The following PANX2 variants were observed in gnomAD, a reference collection of about 807,000 sequenced individuals.
PANX2 encodes the protein pannexin 2.
In PANX2, 30 loss-of-function variants were observed where a neutral mutation model predicts 38.7. The ratio of observed to expected loss-of-function variants is 0.78; its 90% confidence interval spans 0.58 to 1.05. PANX2 has a LOEUF of 1.05. Among genes scored for constraint, PANX2 ranks in the 50% least tolerant of loss-of-function variants. PANX2 has a pLI of 0.00. For missense variants in PANX2, 880 were observed against 979.3 expected, an observed-to-expected ratio of 0.90 and a Z score of 1.35; for synonymous variants, 539 against 472.1, an observed-to-expected ratio of 1.14 and a Z score of -1.84.
In PANX2 at chr22:50,178,231, A is replaced by C. The variant is rs1288274862; in HGVS notation, c.1519A>C (p.Lys507Gln). The change falls in exon 2 of 3, where the codon AAG becomes CAG. Residue 507 changes from lysine to glutamine, a missense_variant. Physicochemically the swap from Lys to Gln is moderately conservative, Grantham distance 53. Coordinates refer to ENST00000395842, the MANE Select transcript of PANX2 (RefSeq NM_052839.4). ...PAPAPPPAPD[K>Q]KHARHFSLDV... Reference sequence around the variant, plus strand: ...CCCCGCCCCGCCGCCCGCCCCTGACAAGAAGCACGCGCGCCACTTCTCCCT... The same window carrying C: ...CCCCGCCCCGCCGCCCGCCCCTGACCAGAAGCACGCGCGCCACTTCTCCCT... 5.3e-5 allele frequency: 63 copies of C among 1,199,566 alleles called. No individual in the cohort carries two copies. Among genetic ancestry groups the C allele is most frequent in the Non-Finnish European group, 6.9e-5 (63 of 909,050 alleles). The allele number at this position is 1,199,566 out of a possible 1,614,324, so 74.3% of individuals were successfully genotyped here. A position where few individuals can be genotyped will look rare whatever the true frequency, so the allele number is the denominator to read the frequency against.
Position 50,177,905 on chromosome 22 carries a change from G to T in PANX2, c.1193G>T (p.Arg398Leu). The change falls in exon 2 of 3, where the codon CGC becomes CTC. Residue 398 changes from arginine (R) to leucine (L), a missense_variant. Around this residue, in one of 4 missense-constraint regions of PANX2, gnomAD observed 78 missense variants for 133.1 expected, o/e 0.59. Coordinates refer to ENST00000395842, the MANE Select transcript of PANX2 (RefSeq NM_052839.4). ...AACCACGACGCCACCCCCACGGTGC[G>T]CGACTCGGGGGTGCAGACCGTGGAC... ...QSNHDATPTVRDSGVQTVDPS... is the reference protein window; with the variant it reads ...QSNHDATPTVLDSGVQTVDPS... The T allele has an allele frequency of 6.5e-7, 1 of 1,529,680 alleles. No individual in the cohort carries two copies. The highest frequency in any genetic ancestry group is 8.8e-7 in the Non-Finnish European group (1 of 1,141,656). The allele number at this position is 1,529,680 out of a possible 1,614,324, so 94.8% of individuals were successfully genotyped here. A position where few individuals can be genotyped will look rare whatever the true frequency, so the allele number is the denominator to read the frequency against.
In PANX2 at chr22:50,177,383, C is replaced by T; in HGVS notation, c.671C>T (p.Ala224Val). 2 of 1,609,542 alleles carry T rather than the reference C, an allele frequency of 1.2e-6. No homozygotes were observed. Among genetic ancestry groups the T allele is most frequent in the Non-Finnish European group, 8.5e-7 (1 of 1,178,424 alleles). ...LERRGRSNFLAKLYLARHVLI... is the reference protein window; with the variant it reads ...LERRGRSNFLVKLYLARHVLI... ...CGCCGCGGCCGCAGCAACTTCCTGG[C>T]CAAGCTGTACCTGGCGCGGCACGTG... is the stretch of plus-strand genomic sequence containing the variant. The change falls in exon 2 of 3, where the codon GCC (alanine) becomes GTC (valine). Residue 224 changes from alanine to valine, a missense_variant. By Grantham distance (64) the Ala-to-Val change is moderately conservative. Transcript: ENST00000395842.
Position 50,177,829 on chromosome 22 carries a change from C to G in PANX2, c.1117C>G (p.Leu373Val). 6.3e-7 allele frequency: 1 copy of G among 1,598,618 alleles called. No homozygotes were observed. Among genetic ancestry groups the G allele is most frequent in the Non-Finnish European group, 8.5e-7 (1 of 1,178,866 alleles). The change falls in exon 2 of 3, where the codon CTC becomes GTC. Residue 373 changes from leucine (L) to valine (V), a missense_variant. Physicochemically the swap from Leu to Val is conservative, Grantham distance 32. Transcript: ENST00000395842. ...GGACTTCATCACCAACGAGAGCGAC[C>G]TCATGTACGACAACGTGGTCCGGCA... ...RLDFITNESD[L>V]MYDNVVRQLL...
At chr22:50,172,822 G>A (rs576686517) in intron 1 of PANX2, among the ~76,000 whole-genome samples, 31 of 151,500 alleles carry the variant, frequency 2.0e-4, no homozygotes, top group Middle Eastern at 3.4e-3. Context: ...TTTGCCTCCC[G>A]GGTTCAAGCG....
chr22:50,175,344 G>A (rs2063656157), intron 1 of PANX2: 4 of 547,300 alleles, frequency 7.3e-6, no homozygotes, highest in Non-Finnish European at 1.2e-5. Context: ...CCCCACCCAT[G>A]TTGGCCACAC....
chr22:50,177,153 C>T lies in PANX2; in HGVS notation c.441C>T (p.Ser147=), dbSNP rs555858722. The part of the protein sequence containing the change: ...VPALGWEFLA[S]TRLTSELNFL... ...CGCTGGGCTGGGAGTTCCTGGCCTC[C>T]ACGCGCCTCACCTCCGAGCTCAACT... is the stretch of plus-strand genomic sequence containing the variant. Residue 147 remains serine, a synonymous_variant, in exon 2 of 3, where the codon TCC becomes TCT. Transcript: ENST00000395842. 1 of 1,607,958 alleles carries T rather than the reference C, an allele frequency of 6.2e-7. No homozygotes were observed. Among genetic ancestry groups the T allele is most frequent in the East Asian group, 2.2e-5 (1 of 44,668 alleles).
In PANX2 at chr22:50,178,132, G is replaced by A. The variant is rs756078611; in HGVS notation, c.1420G>A (p.Ala474Thr). 6.5e-6 allele frequency: 10 copies of A among 1,532,906 alleles called. No individual in the cohort carries two copies. In the African/African-American group the frequency reaches 1.2e-4, roughly 19 times the overall value. The allele number at this position is 1,532,906 out of a possible 1,614,324, so 95.0% of individuals were successfully genotyped here. A position where few individuals can be genotyped will look rare whatever the true frequency, so the allele number is the denominator to read the frequency against. The change falls in exon 2 of 3, where the codon GCG becomes ACG. Residue 474 changes from alanine (A) to threonine (T), a missense_variant. By Grantham distance (58) the Ala-to-Thr change is moderately conservative. Coordinates refer to ENST00000395842, the MANE Select transcript of PANX2 (RefSeq NM_052839.4). ...RRKTATDTLI[A>T]PLLDRSAHHY... ...GAAGACGGCCACGGACACGCTGATC[G>A]CGCCGCTGCTGGACCGCTCCGCCCA...
chr22:50,176,401 G>A (rs1022800785), intron 1 of PANX2, among the ~76,000 whole-genome samples: 5 of 152,232 alleles, frequency 3.3e-5, no homozygotes, highest in African/African-American at 4.8e-5. Flanking sequence ...GGGTCTTAGG[G>A]AGGCGCCCCT....
intron 1 of PANX2, among the ~76,000 whole-genome samples, chr22:50,173,973 G>C (rs535737456): frequency 3.4e-4 from 52 of 152,272 alleles, no homozygotes; most frequent in African/African-American, 1.2e-3. Context: ...ACCGCCACAG[G>C]CTCCGGGGTT....
rs940861666 is a variant in PANX2 at position 50,176,772 on chromosome 22, G to T, written c.227-167G>T. On this transcript the variant is annotated intron_variant, in intron 1 of 2. Coordinates refer to ENST00000395842, the MANE Select transcript of PANX2 (RefSeq NM_052839.4). ...GGCGGGACCCCCACACCACCGTGGTGGGGGGAGGGGGTGGGGTTCATCTGG... is the reference window on the plus strand; with the variant it reads ...GGCGGGACCCCCACACCACCGTGGTTGGGGGAGGGGGTGGGGTTCATCTGG... Among the ~76,000 whole-genome samples the T allele has an allele frequency of 4.6e-5, 7 of 152,148 alleles. No individual in the cohort carries two copies. The South Asian group carries it at 8.3e-4, about 18-fold the overall frequency.
Position 50,178,178 on chromosome 22 carries a change from G to A in PANX2, c.1466G>A (p.Gly489Asp), listed in dbSNP as rs768520085. The change falls in exon 2 of 3, where the codon GGC becomes GAC. Residue 489 changes from glycine (G) to aspartate (D), a missense_variant. Transcript: ENST00000395842. ...RSAHHYKGGG[G>D]DPGPGPAPAP... ...GCCCACCACTACAAGGGCGGAGGGG[G>A]CGACCCGGGCCCCGGCCCCGCCCCT... The A allele has an allele frequency of 1.2e-5, 18 of 1,491,136 alleles. No individual in the cohort carries two copies. The highest frequency in any genetic ancestry group is 2.4e-4 in the Middle Eastern group (1 of 4,188). The allele number at this position is 1,491,136 out of a possible 1,614,324, so 92.4% of individuals were successfully genotyped here.
At chr22:50,176,326 G>C (rs531868207) in intron 1 of PANX2, among the ~76,000 whole-genome samples, 2 of 152,376 alleles carry the variant, frequency 1.3e-5, no homozygotes, top group South Asian at 4.1e-4. Context: ...AGTCCAGCTG[G>C]TGACATCCCC....
Position 50,177,914 on chromosome 22 carries a change from G to C in PANX2, c.1202G>C (p.Gly401Ala), listed in dbSNP as rs548888329. The part of the protein sequence containing the change: ...HDATPTVRDS[G>A]VQTVDPSANP... ...GCCACCCCCACGGTGCGCGACTCGG[G>C]GGTGCAGACCGTGGACCCCAGCGCC... The change falls in exon 2 of 3, where the codon GGG becomes GCG. Residue 401 changes from glycine (G) to alanine (A), a missense_variant. This residue lies in a region of PANX2 where 445 missense variants were observed against 404.3 expected (regional missense o/e 1.10). Transcript: ENST00000395842. 1.6e-5 allele frequency: 25 copies of C among 1,530,408 alleles called. No individual in the cohort carries two copies. In the South Asian group the frequency reaches 2.8e-4, roughly 17 times the overall value. 94.8% of individuals were successfully genotyped at this position (1,530,408 alleles called of 1,614,324 possible). A position where few individuals can be genotyped will look rare whatever the true frequency, so the allele number is the denominator to read the frequency against.
chr22:50,174,130 G>A (rs2063649757), intron 1 of PANX2, among the ~76,000 whole-genome samples: 1 of 152,192 alleles, frequency 6.6e-6, no homozygotes, highest in Non-Finnish European at 1.5e-5. Flanking sequence ...TGACCAGACA[G>A]GGTTTGGCCA....
Position 50,178,320 on chromosome 22 carries a change from G to T in PANX2, c.1608G>T (p.Leu536=). The change falls in exon 2 of 3, where the codon CTG becomes CTT. Residue 536 remains leucine, a synonymous_variant. Coordinates refer to ENST00000395842, the MANE Select transcript of PANX2 (RefSeq NM_052839.4). ...AGGCCGAGGCGGTGCCCGCCGCCCT[G>T]CCCGCCTCCCGGAGCCAGGAGGGGG... ...KAKAEAVPAA[L]PASRSQEGGF... The T allele has an allele frequency of 6.6e-7, 1 of 1,511,870 alleles. No homozygotes were observed. The allele number at this position is 1,511,870 out of a possible 1,614,324, so 93.7% of individuals were successfully genotyped here.
intron 1 of PANX2, among the ~76,000 whole-genome samples, chr22:50,173,063 A>AT (rs2063641938): frequency 1.3e-5 from 2 of 152,014 alleles, no homozygotes; most frequent in Non-Finnish European, 2.9e-5. Flanking sequence ...TGCCCGGCTA[A>AT]TTTTTTGTAT....
rs764773897 is a variant in PANX2 at position 50,177,015 on chromosome 22, G to A, written c.303G>A (p.Thr101=). 5 of 1,602,810 alleles carry A rather than the reference G, an allele frequency of 3.1e-6. No homozygotes were observed. The highest frequency in any genetic ancestry group is 4.2e-6 in the Non-Finnish European group (5 of 1,177,062). The change falls in exon 2 of 3, where the codon ACG becomes ACA. Residue 101 remains threonine (T), a synonymous_variant. Coordinates refer to ENST00000395842, the MANE Select transcript of PANX2 (RefSeq NM_052839.4). ...QALYARGYCW[T]ELRDALPGVD... is the part of the protein sequence containing the mutation. ...TGTACGCCCGCGGCTACTGCTGGAC[G>A]GAGCTGCGGGACGCGCTGCCCGGCG...
At chr22:50,175,420 T>G in intron 1 of PANX2, 1 of 1,294,492 alleles carries the variant, frequency 7.7e-7, no homozygotes, top group Non-Finnish European at 1.0e-6. Flanking sequence ...CTGTCCCTGT[T>G]CTCTTCCCCA....
chr22:50,173,372 G>GC (rs2063645100), intron 1 of PANX2, among the ~76,000 whole-genome samples: 1 of 152,242 alleles, frequency 6.6e-6, no homozygotes, highest in Non-Finnish European at 1.5e-5. Flanking sequence ...CGAGCGCTCT[G>GC]CCCCCGAGCA....
Sources: gnomAD v4.1 joint callset for allele counts (sites outside exome capture counted in the v4.1 genomes callset) on GRCh38, gnomAD v4.1.1 for gene constraint, gnomAD v4.1.1 regional missense constraint, MANE v1.5 for transcripts, NCBI Gene and HGNC (gene_info 2026-07-23, HGNC 2026-07-21) for gene names.